The following MEGF10 variants were observed in gnomAD, a reference collection of about 807,000 sequenced individuals.
MEGF10 encodes the protein multiple EGF like domains 10.
Under a neutral mutation model 147.5 loss-of-function variants are expected in MEGF10, and 86 were observed. The observed-to-expected ratio is 0.58, with a 90% CI of 0.49 to 0.70. The LOEUF (loss-of-function observed/expected upper bound fraction) is 0.70, where lower values mean the gene tolerates loss of function less well. MEGF10 is among the 30% of genes least tolerant of loss of function. The pLI, the probability that MEGF10 is intolerant of heterozygous loss-of-function variation, is 0.00. For synonymous variants in MEGF10, 478 were observed against 525.5 expected (o/e 0.91, Z 1.24); for missense variants, 1,329 against 1,487.3 (o/e 0.89, Z 1.75).
At chr5:127,255,215 A>G in the MEGF10 span, among the ~76,000 whole-genome samples, 1 of 152,116 alleles carries the variant, frequency 6.6e-6, no homozygotes, top group Admixed American at 6.6e-5. Flanking sequence ...AAATCATCTC[A>G]AAAGACCAAT....
intron 2 of MEGF10, among the ~76,000 whole-genome samples, chr5:127,337,847 A>C (rs755540837): frequency 6.6e-6 from 1 of 152,112 alleles, no homozygotes; most frequent in Non-Finnish European, 1.5e-5. Flanking sequence ...TCAGTACAGA[A>C]TTATAACCTT....
intron 5 of MEGF10, among the ~76,000 whole-genome samples, chr5:127,385,417 T>A (rs1184185963): frequency 6.6e-6 from 1 of 152,078 alleles, no homozygotes; most frequent in African/African-American, 2.4e-5. Flanking sequence ...GGATTACAGG[T>A]ACGCACCACC....
chr5:127,310,220 A>T (rs1760229127), intron 1 of MEGF10, among the ~76,000 whole-genome samples: 2 of 151,538 alleles, frequency 1.3e-5, no homozygotes, highest in Non-Finnish European at 2.9e-5. Context: ...ATCTTCTTTT[A>T]AAAAATGTCT....
intron 1 of MEGF10, among the ~76,000 whole-genome samples, chr5:127,293,727 G>A (rs1264119279): frequency 6.6e-6 from 1 of 152,182 alleles, no homozygotes; most frequent in African/African-American, 2.4e-5. Context: ...GTGAATGTCA[G>A]TGTTACCTGG....
intron 1 of MEGF10, among the ~76,000 whole-genome samples, chr5:127,318,062 G>A (rs1329285194): frequency 1.3e-5 from 2 of 152,116 alleles, no homozygotes; most frequent in African/African-American, 4.8e-5. Context: ...TTGAAACTTT[G>A]CTCTCAGTAA....
At chr5:127,421,646 G>A (rs1765009277) in intron 12 of MEGF10, among the ~76,000 whole-genome samples, 1 of 152,146 alleles carries the variant, frequency 6.6e-6, no homozygotes, top group Non-Finnish European at 1.5e-5. Context: ...GCAAGGAGGT[G>A]TGTCAACTCA....
intron 4 of MEGF10, among the ~76,000 whole-genome samples, chr5:127,369,274 G>A (rs975949706): frequency 6.6e-6 from 1 of 152,144 alleles, no homozygotes; most frequent in Non-Finnish European, 1.5e-5. Flanking sequence ...TGTTTGCAGT[G>A]ATGCCCCTTT....
the MEGF10 span, among the ~76,000 whole-genome samples, chr5:127,270,596 A>T: frequency 6.6e-6 from 1 of 152,128 alleles, no homozygotes; most frequent in Non-Finnish European, 1.5e-5. Flanking sequence ...GTCCTTAGAG[A>T]CTTACAAAGA....
intron 6 of MEGF10, among the ~76,000 whole-genome samples, chr5:127,397,347 G>A (rs1763958150): frequency 6.6e-6 from 1 of 152,188 alleles, no homozygotes; most frequent in African/African-American, 2.4e-5. Flanking sequence ...TTACATCTAT[G>A]TAGATTTTGT....
At position 127,458,514 on chromosome 5, in the gene MEGF10, G is replaced by A. The variant is rs1046795627; in HGVS notation, c.*1196G>A. ...GATTGTTAATGAAAAAATATTATAT[G>A]TTCGTTATTCCTTGTATTATTGCCA... On this transcript the variant is annotated 3_prime_UTR_variant, in exon 25 of 25. Coordinates refer to ENST00000503335, the MANE Select transcript of MEGF10 (RefSeq NM_001256545.2). The A allele has an allele frequency of 9.2e-5, 14 of 152,052 alleles. No individual in the cohort carries two copies. Among genetic ancestry groups the A allele is most frequent in the African/African-American group, 1.2e-4 (5 of 41,410 alleles). 9.4% of individuals were successfully genotyped at this position (152,052 alleles called of 1,614,324 possible).
chr5:127,384,815 T>G (rs751847568), intron 5 of MEGF10, among the ~76,000 whole-genome samples: 4 of 152,204 alleles, frequency 2.6e-5, no homozygotes, highest in Non-Finnish European at 2.9e-5. Flanking sequence ...ACATTTTTAT[T>G]GTTCTTCTTC....
At chr5:127,367,270 G>A (rs1380652702) in intron 4 of MEGF10, among the ~76,000 whole-genome samples, 2 of 152,132 alleles carry the variant, frequency 1.3e-5, no homozygotes, top group Non-Finnish European at 2.9e-5. Context: ...AGTGAATTGA[G>A]ACCTGTCCAT....
chr5:127,252,668 G>A, the MEGF10 span, among the ~76,000 whole-genome samples: 27 of 151,990 alleles, frequency 1.8e-4, no homozygotes, highest in East Asian at 4.2e-3. Context: ...GGGGATGGGT[G>A]GGATAGGGTG....
chr5:127,356,194 T>C (rs1417173237), intron 4 of MEGF10, among the ~76,000 whole-genome samples: 1 of 152,244 alleles, frequency 6.6e-6, no homozygotes, highest in Admixed American at 6.5e-5. Context: ...CTTGCATGTT[T>C]TTAGTCTGGT....
At position 127,396,631 on chromosome 5, in the gene MEGF10, C is replaced by T. The variant is rs201824269; in HGVS notation, c.512C>T (p.Ala171Val). The T allele has an allele frequency of 3.8e-5, 62 of 1,613,896 alleles. No homozygotes were observed. Among genetic ancestry groups the T allele is most frequent in the Middle Eastern group, 3.3e-4 (2 of 6,062 alleles). ...ATCACCGGGGCTTGCCACTGTGCTG[C>T]GGGCTTCCGGGGCTGGCGCTGCGAG... is the stretch of plus-strand genomic sequence containing the variant. ...NPITGACHCAAGFRGWRCEDR... is the reference protein window; with the variant it reads ...NPITGACHCAVGFRGWRCEDR... Residue 171 changes from alanine to valine, a missense_variant, in exon 6 of 25, where the codon GCG (alanine) becomes GTG (valine). Ala to Val is a moderately conservative substitution (Grantham distance 64, BLOSUM62 0). This residue lies in a region of MEGF10 where 980 missense variants were observed against 1,085.9 expected (regional missense o/e 0.90). Coordinates refer to ENST00000503335, the MANE Select transcript of MEGF10 (RefSeq NM_001256545.2).
At chr5:127,396,473 C>A (rs1014661880) in intron 5 of MEGF10, 59 bp from the exon 6 acceptor site, 1 of 1,479,044 alleles carries the variant, frequency 6.8e-7, no homozygotes, top group Non-Finnish European at 9.0e-7. Flanking sequence ...CCCCGAGAGG[C>A]GAAGAAATCT....
chr5:127,346,438 T>C (rs1354221938), intron 4 of MEGF10, among the ~76,000 whole-genome samples: 4 of 152,190 alleles, frequency 2.6e-5, no homozygotes, highest in African/African-American at 9.6e-5. Flanking sequence ...TGGTTTTGAT[T>C]TGCATTTCCC....
chr5:127,449,205 G>A lies in MEGF10; in HGVS notation c.2963G>A (p.Gly988Asp), dbSNP rs1294913356. Residue 988 changes from glycine (G) to aspartate (D), a missense_variant, in exon 22 of 25, where the codon GGC becomes GAC. By Grantham distance (94) the Gly-to-Asp change is moderately conservative (BLOSUM62 -1). Transcript: ENST00000503335. Reference sequence around the variant, plus strand: ...TTGCCGGCTGACTGGAAACATGGCGGCTACCTCAACGAGCTCGGTGAGTTC... The same window carrying A: ...TTGCCGGCTGACTGGAAACATGGCGACTACCTCAACGAGCTCGGTGAGTTC... ...GTLPADWKHG[G>D]YLNELGAFGL... The A allele has an allele frequency of 2.5e-6, 4 of 1,612,940 alleles. No homozygotes were observed. The highest frequency in any genetic ancestry group is 2.5e-6 in the Non-Finnish European group (3 of 1,179,436).
chr5:127,359,679 A>C (rs1028787505), intron 4 of MEGF10, among the ~76,000 whole-genome samples: 5 of 152,082 alleles, frequency 3.3e-5, no homozygotes, highest in Non-Finnish European at 7.4e-5. Flanking sequence ...AATCATTTTG[A>C]GATTTATGAC....
Sources: allele counts gnomAD v4.1 joint callset (sites outside exome capture counted in the v4.1 genomes callset), GRCh38; gene constraint gnomAD v4.1.1; regional missense constraint gnomAD v4.1.1; transcripts MANE v1.5; gene names NCBI Gene and HGNC (gene_info 2026-07-23, HGNC 2026-07-21).